The following SMYD3 variants were observed in gnomAD, a reference collection of about 807,000 sequenced individuals.
SMYD3 encodes the protein histone-lysine N-methyltransferase SMYD3.
In SMYD3, 36 loss-of-function variants were observed where a neutral mutation model predicts 57.7. The ratio of observed to expected loss-of-function variants is 0.62; its 90% CI spans 0.48 to 0.82. The LOEUF (loss-of-function observed/expected upper bound fraction) is 0.82, where lower values mean the gene tolerates loss of function less well. Ranked by LOEUF, SMYD3 falls within the 40% of genes least tolerant of loss-of-function variation. The pLI is 0.00. For synonymous variants in SMYD3, 211 were observed against 195.0 expected (o/e 1.08, Z -0.68); for missense variants, 515 against 538.8 (o/e 0.96, Z 0.44).
At chr1:245,894,225 GC>G (rs2053593240) in intron 8 of SMYD3, among the ~76,000 whole-genome samples, 1 of 152,114 alleles carries the variant, frequency 6.6e-6, no homozygotes, top group African/African-American at 2.4e-5. Context: ...TCTGTAGCTA[GC>G]TAGAGGTTTG....
At chr1:246,108,718 G>T (rs1031366497) in intron 5 of SMYD3, 4 of 152,288 alleles carry the variant, frequency 2.6e-5, no homozygotes, top group Non-Finnish European at 4.4e-5. Context: ...CGGGATAAAG[G>T]TCAGACAACT....
chr1:246,072,801 A>G (rs561365536), intron 5 of SMYD3, among the ~76,000 whole-genome samples: 1 of 137,650 alleles, frequency 7.3e-6, no homozygotes, highest in Admixed American at 7.5e-5. Context: ...GAGAGATGAG[A>G]CAGACTTTTC....
At chr1:246,109,136 G>A (rs2061182658) in intron 5 of SMYD3, among the ~76,000 whole-genome samples, 1 of 152,102 alleles carries the variant, frequency 6.6e-6, no homozygotes, top group Non-Finnish European at 1.5e-5. Context: ...CTATCACAAT[G>A]AATGACACGA....
chr1:245,797,257 G>A (rs1462051738), intron 10 of SMYD3, among the ~76,000 whole-genome samples: 1 of 152,122 alleles, frequency 6.6e-6, no homozygotes, highest in East Asian at 1.9e-4. Context: ...ACTCACAATA[G>A]CAAAGACTTG....
intron 1 of SMYD3, among the ~76,000 whole-genome samples, chr1:246,447,426 C>A (rs554034418): frequency 6.6e-6 from 1 of 152,270 alleles, no homozygotes; most frequent in South Asian, 2.1e-4. Flanking sequence ...GAGGAAAATT[C>A]CAAACTTATG....
chr1:246,385,091 T>TC, intron 1 of SMYD3, among the ~76,000 whole-genome samples: 1 of 152,346 alleles, frequency 6.6e-6, no homozygotes, highest in South Asian at 2.1e-4. Context: ...CTGAATAAAA[T>TC]CTTACAAGAC....
chr1:246,351,677 T>A (rs115811886), intron 2 of SMYD3, among the ~76,000 whole-genome samples: 1 of 152,322 alleles, frequency 6.6e-6, no homozygotes, highest in Non-Finnish European at 1.5e-5. Context: ...ACCAATAGTT[T>A]GGTGTATATC....
chr1:246,033,069 GA>G (rs2059707069), intron 5 of SMYD3, among the ~76,000 whole-genome samples: 1 of 152,108 alleles, frequency 6.6e-6, no homozygotes, highest in Non-Finnish European at 1.5e-5. Flanking sequence ...CCAAAGACAT[GA>G]AAAACCATGT....
At chr1:245,921,547 G>GTACATATATATATATATATATATATA (rs1491323831) in intron 7 of SMYD3, among the ~76,000 whole-genome samples, 6 of 35,086 alleles carry the variant, frequency 1.7e-4, no homozygotes, top group African/African-American at 3.9e-4. Flanking sequence ...AAAAAATGTG[G>GTACATATATATATATATATATATATA]TGTATATATA....
intron 5 of SMYD3, among the ~76,000 whole-genome samples, chr1:245,970,304 A>G (rs911903232): frequency 6.6e-6 from 1 of 152,220 alleles, no homozygotes; most frequent in Non-Finnish European, 1.5e-5. Context: ...TTATACAAAA[A>G]TTAATTCAAG....
At chr1:245,856,914 C>A (rs2051271527) in intron 10 of SMYD3, among the ~76,000 whole-genome samples, 1 of 152,190 alleles carries the variant, frequency 6.6e-6, no homozygotes, top group Non-Finnish European at 1.5e-5. Flanking sequence ...TTCCTCAGAG[C>A]AAGCCCTGGA....
chr1:245,812,422 C>G (rs555498545), intron 10 of SMYD3, among the ~76,000 whole-genome samples: 1 of 152,074 alleles, frequency 6.6e-6, no homozygotes, highest in African/African-American at 2.4e-5. Context: ...ATCTGATGGC[C>G]GCACAAAGGA....
At chr1:246,487,032 G>A (rs2068199034) in intron 1 of SMYD3, among the ~76,000 whole-genome samples, 1 of 152,196 alleles carries the variant, frequency 6.6e-6, no homozygotes, top group Non-Finnish European at 1.5e-5. Context: ...GAACTATACT[G>A]AAGAATTTTG....
At chr1:245,768,079 G>A (rs12083399) in intron 10 of SMYD3, among the ~76,000 whole-genome samples, 6,385 of 152,180 alleles carry the variant, frequency 0.042, 464 homozygotes, top group African/African-American at 0.14. Flanking sequence ...AAATAGAAAC[G>A]CTTCCACAAA....
In SMYD3 at chr1:245,858,514, C is replaced by A. The variant is rs1218705109; in HGVS notation, c.1058G>T (p.Arg353Leu). ...GACTTGCCTGTATGGCTCCATGGTC[C>A]GAGTACCATAGAACAAGGCTTCCTC... Reference protein sequence around the residue: ...LLEEALFYGTRTMEPYRIFFP... With the variant: ...LLEEALFYGTLTMEPYRIFFP... Residue 353 changes from arginine (R) to leucine (L), a missense_variant, in exon 10 of 12, where the codon CGG (arginine) becomes CTG (leucine). Transcript: ENST00000490107. 1 of 1,613,986 alleles carries A rather than the reference C, an allele frequency of 6.2e-7. No homozygotes were observed. Among genetic ancestry groups the A allele is most frequent in the East Asian group, 2.2e-5 (1 of 44,876 alleles).
intron 7 of SMYD3, 98 bp from the exon 8 acceptor site, chr1:245,915,738 T>C: frequency 1.3e-6 from 1 of 757,456 alleles, no homozygotes; most frequent in Non-Finnish European, 2.1e-6. Flanking sequence ...GTAAAACTTG[T>C]TTTTATTATA....
intron 10 of SMYD3, among the ~76,000 whole-genome samples, chr1:245,856,587 G>C (rs2051252800): frequency 6.6e-6 from 1 of 152,202 alleles, no homozygotes; most frequent in East Asian, 1.9e-4. Flanking sequence ...AGCTACTTAA[G>C]GTGTAAGTTA....
At chr1:246,342,839 C>A (rs2065653753) in intron 2 of SMYD3, among the ~76,000 whole-genome samples, 2 of 152,218 alleles carry the variant, frequency 1.3e-5, no homozygotes, top group South Asian at 4.1e-4. Flanking sequence ...AGTGAGGAAC[C>A]TATAATATGA....
At chr1:245,888,663 C>G (rs2053215038) in intron 8 of SMYD3, among the ~76,000 whole-genome samples, 1 of 152,212 alleles carries the variant, frequency 6.6e-6, no homozygotes, top group Admixed American at 6.5e-5. Context: ...TTCTGACAAA[C>G]CACTTAGCTT....
Sources: gnomAD v4.1 joint callset for allele counts (sites outside exome capture counted in the v4.1 genomes callset) on GRCh38, gnomAD v4.1.1 for gene constraint, MANE v1.5 for transcripts, NCBI Gene and HGNC (gene_info 2026-07-23, HGNC 2026-07-21) for gene names.